The following SUPV3L1 variants were observed in gnomAD, a reference collection of about 807,000 sequenced individuals.
The protein encoded by SUPV3L1 is Suv3 like RNA helicase.
Under a neutral mutation model 70.0 loss-of-function variants are expected in SUPV3L1, and 35 were observed. The observed-to-expected ratio is 0.50, with a 90% CI of 0.38 to 0.66. The LOEUF (loss-of-function observed/expected upper bound fraction) is 0.66. Among genes scored for constraint, SUPV3L1 ranks in the 30% least tolerant of loss-of-function variants. The probability of loss-of-function intolerance (pLI) is 0.00; values close to 1 mark genes in which losing one functional copy is unlikely to be tolerated. For missense variants in SUPV3L1, 777 were observed against 961.5 expected (o/e 0.81, Z 2.54); for synonymous variants, 364 against 341.9 (o/e 1.06, Z -0.71).
Position 69,202,498 on chromosome 10 carries a change from T to G in SUPV3L1, c.1578T>G (p.Asp526Glu). The G allele has an allele frequency of 1.2e-6, 2 of 1,613,682 alleles. No homozygotes were observed. The highest frequency in any genetic ancestry group is 1.7e-6 in the Non-Finnish European group (2 of 1,179,696). Residue 526 changes from aspartate to glutamate, a missense_variant, in exon 12 of 15, where the codon GAT (aspartate) becomes GAG (glutamate). This residue lies in a region of SUPV3L1 where 619 missense variants were observed against 823.3 expected (regional missense o/e 0.75). Transcript: ENST00000359655. ...AAATGTTTGCCTACCATCTCCCTGA[T>G]GCAACACTGTCCAATCTCATTGTAA... ...QIEMFAYHLPDATLSNLIDIF... is the reference protein window; with the variant it reads ...QIEMFAYHLPEATLSNLIDIF...
intron 14 of SUPV3L1, among the ~76,000 whole-genome samples, 153 bp from the exon 15 acceptor site, chr10:69,208,447 G>A (rs1365614687): frequency 6.6e-6 from 1 of 152,180 alleles, no homozygotes; most frequent in African/African-American, 2.4e-5. Context: ...CGATATGTGG[G>A]GGCAGAAATC....
intron 10 of SUPV3L1, 117 bp from the exon 11 acceptor site, chr10:69,200,163 G>C: frequency 1.3e-6 from 1 of 765,780 alleles, no homozygotes; most frequent in East Asian, 2.7e-5. Flanking sequence ...AATTTTGTAA[G>C]TGGCAGTCAA....
At position 69,209,076 on chromosome 10, in the gene SUPV3L1, A is replaced by G; in HGVS notation, c.*41A>G. 2 of 1,490,010 alleles carry G rather than the reference A, an allele frequency of 1.3e-6. No homozygotes were observed. The highest frequency in any genetic ancestry group is 4.7e-5 in the East Asian group (2 of 42,308). 92.3% of individuals were successfully genotyped at this position (1,490,010 alleles called of 1,614,324 possible). A position where few individuals can be genotyped will look rare whatever the true frequency, so the allele number is the denominator to read the frequency against. On this transcript the variant is annotated 3_prime_UTR_variant, in exon 15 of 15. Coordinates refer to ENST00000359655, the MANE Select transcript of SUPV3L1 (RefSeq NM_003171.5). ...TTTTTTTTTTTATTTAATTTTGCAAATAAAAATTTATTTTGAATCCTTTTT... is the reference window on the plus strand; with the variant it reads ...TTTTTTTTTTTATTTAATTTTGCAAGTAAAAATTTATTTTGAATCCTTTTT...
chr10:69,180,272 G>A lies in SUPV3L1; in HGVS notation c.-20G>A. 2.5e-6 allele frequency: 4 copies of A among 1,611,200 alleles called. No individual in the cohort carries two copies. In the South Asian group the frequency reaches 3.3e-5, roughly 13 times the overall value. ...GCCGTGTCCGCGGCTGCGCCAGACA[G>A]TGTAGAACCTGCGGCCTCGATGTCC... is the stretch of plus-strand genomic sequence containing the variant. On this transcript the variant is annotated 5_prime_UTR_variant, in exon 1 of 15. The change creates a new upstream start codon in the 5' untranslated region. Coordinates refer to ENST00000359655, the MANE Select transcript of SUPV3L1 (RefSeq NM_003171.5).
rs773654299 is a variant in SUPV3L1, at chr10:69,208,804, A to G, written c.2130A>G (p.Thr710=). The change falls in exon 15 of 15, where the codon ACA becomes ACG. Residue 710 remains threonine (T), a synonymous_variant. Transcript: ENST00000359655. ...SGTLKSQARR[T]RGTKALGSKA... ...CCTTAAAGAGCCAAGCTAGAAGGAC[A>G]CGCGGCACCAAAGCTCTAGGGAGTA... The G allele has an allele frequency of 1.2e-6, 2 of 1,614,202 alleles. No homozygotes were observed. Among genetic ancestry groups the G allele is most frequent in the Admixed American group, 1.7e-5 (1 of 60,018 alleles).
intron 6 of SUPV3L1, chr10:69,192,688 A>G (rs1172324808): frequency 2.6e-5 from 4 of 152,184 alleles, no homozygotes; most frequent in East Asian, 1.9e-4. Context: ...CACTGCCACA[A>G]TGAGCTTCTA....
intron 1 of SUPV3L1, among the ~76,000 whole-genome samples, chr10:69,183,834 C>T (rs1449290914): frequency 1.3e-5 from 2 of 151,502 alleles, no homozygotes; most frequent in Non-Finnish European, 2.9e-5. Flanking sequence ...TAAAAAGAAA[C>T]CTGATATCTG....
chr10:69,180,613 A>T (rs1842027752), intron 1 of SUPV3L1, 51 bp downstream of exon 1: 1 of 1,596,796 alleles, frequency 6.3e-7, no homozygotes, highest in Non-Finnish European at 8.5e-7. Context: ...TGCTGGGCCG[A>T]GGCTGGTTGG....
rs201563584 is a variant in SUPV3L1, at chr10:69,209,061, T to A, written c.*26T>A. The A allele has an allele frequency of 6.4e-5, 95 of 1,491,704 alleles. No homozygotes were observed. The East Asian group carries it at 7.8e-4, about 12-fold the overall frequency. 92.4% of individuals were successfully genotyped at this position (1,491,704 alleles called of 1,614,324 possible). ...TTTTCTGTTCCTGTTTTTTTTTTTTTATTTAATTTTGCAAATAAAAATTTA... is the reference window on the plus strand; with the variant it reads ...TTTTCTGTTCCTGTTTTTTTTTTTTAATTTAATTTTGCAAATAAAAATTTA... On this transcript the variant is annotated 3_prime_UTR_variant, in exon 15 of 15. Coordinates refer to ENST00000359655, the MANE Select transcript of SUPV3L1 (RefSeq NM_003171.5).
At chr10:69,203,088 G>A (rs975129454) in intron 13 of SUPV3L1, 45 bp downstream of exon 13, 10 of 1,548,132 alleles carry the variant, frequency 6.5e-6, no homozygotes, top group East Asian at 2.3e-5. Context: ...TCTGGTTGAT[G>A]CAGGTTCCCC....
chr10:69,191,761 C>T lies in SUPV3L1; in HGVS notation c.848C>T (p.Thr283Ile). The change falls in exon 6 of 15, where the codon ACT becomes ATT. Residue 283 changes from threonine to isoleucine, a missense_variant. Thr to Ile is a moderately conservative substitution (Grantham distance 89, BLOSUM62 -1). This residue lies in a region of SUPV3L1 where 619 missense variants were observed against 823.3 expected (regional missense o/e 0.75). Transcript: ENST00000359655. Reference protein sequence around the residue: ...SCTVEMCSVTTPYEVAVIDEI... With the variant: ...SCTVEMCSVTIPYEVAVIDEI... Reference sequence around the variant, plus strand: ...ACAGTTGAGATGTGCAGTGTTACAACTCCTTGTATGTATATGCTGTTTAAG... The same window carrying T: ...ACAGTTGAGATGTGCAGTGTTACAATTCCTTGTATGTATATGCTGTTTAAG... 1 of 1,611,246 alleles carries T rather than the reference C, an allele frequency of 6.2e-7. No homozygotes were observed. Among genetic ancestry groups the T allele is most frequent in the Non-Finnish European group, 8.5e-7 (1 of 1,177,844 alleles).
chr10:69,202,362 G>T (rs369804277), intron 11 of SUPV3L1, 77 bp from the exon 12 acceptor site: 7 of 1,282,042 alleles, frequency 5.5e-6, no homozygotes, highest in South Asian at 1.3e-5. Flanking sequence ...GGACTTTATC[G>T]TGCAATAACT....
chr10:69,194,752 A>G (rs1261677650), intron 6 of SUPV3L1, among the ~76,000 whole-genome samples: 2 of 152,012 alleles, frequency 1.3e-5, no homozygotes, highest in Non-Finnish European at 2.9e-5. Context: ...CTCAGGCTGT[A>G]TGACAGTGAG....
At chr10:69,189,646 CT>C (rs34718589) in intron 5 of SUPV3L1, among the ~76,000 whole-genome samples, 1,365 of 125,018 alleles carry the variant, frequency 0.011, 13 homozygotes, top group African/African-American at 0.037. Context: ...GCTATCAATT[CT>C]TTTTTTTTTT....
At chr10:69,198,275 A>G in intron 8 of SUPV3L1, 97 bp from the exon 9 acceptor site, 1 of 1,078,310 alleles carries the variant, frequency 9.3e-7, no homozygotes, top group Non-Finnish European at 1.3e-6. Context: ...ATCAGTTTTT[A>G]GCTACTCTTA....
rs1842601620 is a variant in SUPV3L1, at chr10:69,198,496, G to A, written c.1148G>A (p.Arg383Gln). Residue 383 changes from arginine to glutamine, a missense_variant, in exon 9 of 15, where the codon CGG (arginine) becomes CAG (glutamine). Physicochemically the swap from Arg to Gln is conservative, Grantham distance 43 (BLOSUM62 1). This residue lies in a region of SUPV3L1 where 619 missense variants were observed against 823.3 expected (regional missense o/e 0.75). Transcript: ENST00000359655. The stretch of plus-strand genomic sequence containing the variant: ...AAGAATGATATTTATTCTGTGAGTC[G>A]GCAGATTGAAATTCGGGGATTAGAA... ...FSKNDIYSVSRQIEIRGLESA... is the reference protein window; with the variant it reads ...FSKNDIYSVSQQIEIRGLESA... 2 of 1,613,958 alleles carry A rather than the reference G, an allele frequency of 1.2e-6. No individual in the cohort carries two copies. Among genetic ancestry groups the A allele is most frequent in the Non-Finnish European group, 1.7e-6 (2 of 1,179,984 alleles).
intron 2 of SUPV3L1, 111 bp from the exon 3 acceptor site, chr10:69,186,332 A>C (rs1415937323): frequency 1.5e-6 from 1 of 686,672 alleles, no homozygotes; most frequent in African/African-American, 2.0e-5. Flanking sequence ...TGCCAAAAAA[A>C]AAAAAAAAAA....
At position 69,201,785 on chromosome 10, in the gene SUPV3L1, C is replaced by T. The variant is rs1265154790; in HGVS notation, c.1519-654C>T. Among the ~76,000 whole-genome samples, 5 of 152,126 alleles carry T rather than the reference C, an allele frequency of 3.3e-5. No individual in the cohort carries two copies. The South Asian group carries it at 6.2e-4, about 19-fold the overall frequency. ...AACTACTGTCCTCAAGTAATCCTCC[C>T]ACCTTGGCCTCCCAAAGTGTTGGGA... is the stretch of plus-strand genomic sequence containing the variant. On this transcript the variant is annotated intron_variant, in intron 11 of 14. Transcript: ENST00000359655.
At chr10:69,191,889 C>T (rs920533480) in intron 6 of SUPV3L1, 123 bp downstream of exon 6, 2 of 618,284 alleles carry the variant, frequency 3.2e-6, no homozygotes, top group African/African-American at 1.9e-5. Context: ...TCACTGCGAC[C>T]TCTGCCTCCC....
Sources: allele counts gnomAD v4.1 joint callset (sites outside exome capture counted in the v4.1 genomes callset), GRCh38; gene constraint gnomAD v4.1.1; regional missense constraint gnomAD v4.1.1; transcripts MANE v1.5; gene names NCBI Gene and HGNC (gene_info 2026-07-23, HGNC 2026-07-21).